The following EVI5 variants were observed in gnomAD, a reference collection of about 807,000 sequenced individuals.
The protein encoded by EVI5 is ecotropic viral integration site 5 protein homolog.
Under a neutral mutation model 112.0 loss-of-function variants are expected in EVI5, and 73 were observed. The observed-to-expected ratio is 0.65, with a 90% CI of 0.54 to 0.79. EVI5 has a LOEUF of 0.79. EVI5 is among the 30% of genes least tolerant of loss of function. EVI5 has a pLI of 0.00. For missense variants in EVI5, 900 were observed against 968.8 expected, an observed-to-expected ratio of 0.93 and a Z score of 0.94; for synonymous variants, 305 against 319.9, an observed-to-expected ratio of 0.95 and a Z score of 0.50.
Position 92,717,887 on chromosome 1 carries a change from G to C in EVI5, c.150-13143C>G, listed in dbSNP as rs541322630. On this transcript the variant is annotated intron_variant, in intron 2 of 19. Transcript: ENST00000684568. ...ATTGGAAAGCAAAAAAAAAAACCAG[G>C]GGTTGCAATCCTAGTCTCTGATAAA... Among the ~76,000 whole-genome samples the C allele has an allele frequency of 2.0e-3, 303 of 152,042 alleles. 1 individual carries two copies. The highest frequency in any genetic ancestry group is 7.1e-3 in the African/African-American group (293 of 41,460).
chr1:92,610,754 C>T (rs1428413064), intron 16 of EVI5, among the ~76,000 whole-genome samples: 1 of 151,404 alleles, frequency 6.6e-6, no homozygotes, highest in Non-Finnish European at 1.5e-5. Context: ...AGAATAAGGT[C>T]CAAAATATAC....
chr1:92,559,176 G>A (rs1411960629), intron 19 of EVI5, among the ~76,000 whole-genome samples: 4 of 152,048 alleles, frequency 2.6e-5, no homozygotes, highest in Admixed American at 6.6e-5. Context: ...ATTGTTTAGG[G>A]AATAATGATA....
At chr1:92,643,998 T>C (rs1280705203) in intron 13 of EVI5, among the ~76,000 whole-genome samples, 2 of 152,204 alleles carry the variant, frequency 1.3e-5, no homozygotes, top group African/African-American at 2.4e-5. Context: ...GGAAACCTAA[T>C]GTAATAACTG....
intron 1 of EVI5, among the ~76,000 whole-genome samples, chr1:92,755,072 T>TGG (rs59966186): frequency 1.7e-4 from 12 of 69,586 alleles, no homozygotes; most frequent in East Asian, 2.5e-3. Flanking sequence ...ACATAGGTTT[T>TGG]TTTTTTTTTT....
rs146410238 is a variant in EVI5 at position 92,719,004 on chromosome 1, G to A, written c.150-14260C>T. Among the ~76,000 whole-genome samples the A allele has an allele frequency of 7.6e-4, 116 of 152,216 alleles. 1 individual carries two copies. In the East Asian group the frequency reaches 0.018, roughly 24 times the overall value. Reference sequence around the variant, plus strand: ...TCCCAAGCTAAACCAGGAAGAAGCCGAATCTCTGAATATACCAATAACAGG... The same window carrying A: ...TCCCAAGCTAAACCAGGAAGAAGCCAAATCTCTGAATATACCAATAACAGG... On this transcript the variant is annotated intron_variant, in intron 2 of 19. Coordinates refer to ENST00000684568, the MANE Select transcript of EVI5 (RefSeq NM_001350197.2).
At chr1:92,602,062 A>T (rs1477774475) in intron 18 of EVI5, among the ~76,000 whole-genome samples, 1 of 152,220 alleles carries the variant, frequency 6.6e-6, no homozygotes, top group African/African-American at 2.4e-5. Flanking sequence ...TACTACCAGC[A>T]GAACATAAAG....
At position 92,677,027 on chromosome 1, in the gene EVI5, G is replaced by A. The variant is rs866721424; in HGVS notation, c.1158+131C>T. ...TCGCATTATTCTGCTTTTTTGAAATGTCTATTTTTAACTATAATCTAGTAG... is the reference window on the plus strand; with the variant it reads ...TCGCATTATTCTGCTTTTTTGAAATATCTATTTTTAACTATAATCTAGTAG... On this transcript the variant is annotated intron_variant, in intron 10 of 19. Transcript: ENST00000684568. The A allele has an allele frequency of 4.8e-6, 3 of 622,242 alleles. No individual in the cohort carries two copies. The Admixed American group carries it at 1.1e-4, about 22-fold the overall frequency. The allele number at this position is 622,242 out of a possible 1,614,324, so 38.5% of individuals were successfully genotyped here.
chr1:92,685,239 G>C (rs151255719), intron 9 of EVI5, among the ~76,000 whole-genome samples: 57 of 152,260 alleles, frequency 3.7e-4, no homozygotes, highest in African/African-American at 1.3e-3. Context: ...TTAGAACTCA[G>C]GATTCAGAAA....
At chr1:92,605,607 T>C (rs778504491) in intron 17 of EVI5, among the ~76,000 whole-genome samples, 1 of 152,188 alleles carries the variant, frequency 6.6e-6, no homozygotes, top group Non-Finnish European at 1.5e-5. Context: ...ATAACAATTA[T>C]AAATGGCCAT....
intron 1 of EVI5, among the ~76,000 whole-genome samples, chr1:92,758,605 T>A (rs1681331273): frequency 6.8e-6 from 1 of 145,988 alleles, no homozygotes; most frequent in Non-Finnish European, 1.5e-5. Context: ...AAGACAACAA[T>A]CAGGCAGACC....
rs138732914 is a variant in EVI5, at chr1:92,736,118, A to G, written c.149+280T>C. ...GAGACTGTTCAGAGAGTTTAAAATT[A>G]TAAAGTTATAGTTTCATTTACTTTT... On this transcript the variant is annotated intron_variant, in intron 2 of 19. Coordinates refer to ENST00000684568, the MANE Select transcript of EVI5 (RefSeq NM_001350197.2). Among the ~76,000 whole-genome samples, 26 of 152,004 alleles carry G rather than the reference A, an allele frequency of 1.7e-4. No individual in the cohort carries two copies. The East Asian group carries it at 5.0e-3, about 29-fold the overall frequency.
chr1:92,744,262 T>G (rs1316831294), intron 1 of EVI5, among the ~76,000 whole-genome samples: 2 of 152,164 alleles, frequency 1.3e-5, no homozygotes, highest in Non-Finnish European at 2.9e-5. Flanking sequence ...CCATATGAGT[T>G]TGAGAAAAAT....
In EVI5 at chr1:92,588,983, A is replaced by C. The variant is rs146414291; in HGVS notation, c.2070+16324T>G. 3.8e-3 allele frequency among the ~76,000 whole-genome samples: 573 copies of C among 152,360 alleles called. 2 individuals carry two copies. The highest frequency in any genetic ancestry group is 0.013 in the African/African-American group (541 of 41,576). ...TCAGCTGCACATGGTGGACAGAAAA[A>C]TTGAAAAGAATTAACTACAGTAGTG... On this transcript the variant is annotated intron_variant, in intron 18 of 19. Transcript: ENST00000684568.
At chr1:92,633,831 T>C (rs80282036) in intron 14 of EVI5, among the ~76,000 whole-genome samples, 287 of 152,336 alleles carry the variant, frequency 1.9e-3, no homozygotes, top group African/African-American at 6.5e-3. Context: ...GCTGTTCCTT[T>C]CCATGTTTAG....
chr1:92,774,321 T>C (rs1418785943), intron 1 of EVI5, among the ~76,000 whole-genome samples: 1 of 152,230 alleles, frequency 6.6e-6, no homozygotes, highest in Non-Finnish European at 1.5e-5. Flanking sequence ...AAATATATTA[T>C]ATAATTAATC....
intron 1 of EVI5, among the ~76,000 whole-genome samples, chr1:92,752,802 G>A (rs1055510732): frequency 6.6e-6 from 1 of 151,968 alleles, no homozygotes; most frequent in Non-Finnish European, 1.5e-5. Flanking sequence ...TGGGTTCTAT[G>A]AGCATCAAGC....
intron 18 of EVI5, among the ~76,000 whole-genome samples, chr1:92,570,068 TG>T (rs1215114198): frequency 6.7e-6 from 1 of 150,296 alleles, no homozygotes; most frequent in Non-Finnish European, 1.5e-5. Context: ...AATAAGAGAG[TG>T]AGTGAAACAG....
chr1:92,756,442 G>T, intron 1 of EVI5: 1 of 539,560 alleles, frequency 1.9e-6, no homozygotes, highest in South Asian at 1.4e-5. Flanking sequence ...TGGCTTCTTC[G>T]AGGATTATAC....
At chr1:92,605,613 G>T (rs1441841952) in intron 17 of EVI5, among the ~76,000 whole-genome samples, 1 of 152,078 alleles carries the variant, frequency 6.6e-6, no homozygotes, top group African/African-American at 2.4e-5. Flanking sequence ...ATTATAAATG[G>T]CCATATATCA....
Sources: gnomAD v4.1 joint callset for allele counts (sites outside exome capture counted in the v4.1 genomes callset) on GRCh38, gnomAD v4.1.1 for gene constraint, MANE v1.5 for transcripts, NCBI Gene and HGNC (gene_info 2026-07-23, HGNC 2026-07-21) for gene names.